Variants in AGBL4 observed in about 807,000 individuals in gnomAD.
The protein encoded by AGBL4 is cytosolic carboxypeptidase 6.
A neutral mutation model predicts 66.4 loss-of-function variants in AGBL4; 58 were observed. That is an observed-to-expected ratio of 0.87 (90% CI 0.71 to 1.09). AGBL4 has a LOEUF of 1.09. Ranked by LOEUF, AGBL4 falls within the 50% of genes least tolerant of loss-of-function variation. AGBL4 has a pLI of 0.00. For missense variants in AGBL4, 579 were observed against 631.0 expected (o/e 0.92, Z 0.88); for synonymous variants, 234 against 222.9 (o/e 1.05, Z -0.44).
At chr1:48,601,478 A>C (rs981129597) in intron 9 of AGBL4, among the ~76,000 whole-genome samples, 2 of 152,214 alleles carry the variant, frequency 1.3e-5, no homozygotes, top group African/African-American at 4.8e-5. Flanking sequence ...TTTACAAGTA[A>C]CTTTCTGTGC....
At chr1:49,429,443 T>TCAA (rs375782687) in intron 3 of AGBL4, among the ~76,000 whole-genome samples, 1 of 152,330 alleles carries the variant, frequency 6.6e-6, no homozygotes, top group East Asian at 1.9e-4. Flanking sequence ...GGTCTAATAT[T>TCAA]CAATTTGAAA....
chr1:49,664,842 C>A (rs1224877603), intron 3 of AGBL4, among the ~76,000 whole-genome samples: 1 of 151,978 alleles, frequency 6.6e-6, no homozygotes, highest in African/African-American at 2.4e-5. Context: ...GTATGTTAGA[C>A]TACTTAAAGA....
intron 2 of AGBL4, among the ~76,000 whole-genome samples, chr1:49,837,990 T>G (rs568242402): frequency 6.6e-6 from 1 of 152,024 alleles, no homozygotes; most frequent in Non-Finnish European, 1.5e-5. Context: ...ATGAGAAAGG[T>G]TTCTTGCCCT....
chr1:50,001,497 ATG>A (rs538755098), intron 1 of AGBL4, among the ~76,000 whole-genome samples: 13 of 132,408 alleles, frequency 9.8e-5, no homozygotes, highest in Admixed American at 2.3e-4. Context: ...ATATATATGT[ATG>A]TGTGTGTGTA....
chr1:49,851,301 G>C, intron 2 of AGBL4, 95 bp downstream of exon 2: 1 of 1,274,792 alleles, frequency 7.8e-7, no homozygotes, highest in Non-Finnish European at 1.0e-6. Context: ...TATTAAATGA[G>C]TTGAATTGCA....
intron 3 of AGBL4, among the ~76,000 whole-genome samples, chr1:49,378,739 T>G (rs1436345280): frequency 6.6e-6 from 1 of 152,080 alleles, no homozygotes; most frequent in Non-Finnish European, 1.5e-5. Flanking sequence ...CAGACTGTGA[T>G]GTAGTTCAGA....
intron 1 of AGBL4, among the ~76,000 whole-genome samples, chr1:49,971,326 T>C (rs770090154): frequency 2.0e-5 from 3 of 152,222 alleles, no homozygotes; most frequent in Non-Finnish European, 4.4e-5. Flanking sequence ...AGTCACTTAG[T>C]AGTTATCTCA....
intron 4 of AGBL4, among the ~76,000 whole-genome samples, chr1:49,227,663 T>C (rs1650014293): frequency 6.6e-6 from 1 of 152,194 alleles, no homozygotes; most frequent in Admixed American, 6.5e-5. Context: ...ATTTCTTACA[T>C]AACAAACCCT....
At chr1:48,637,661 A>G (rs1282498681) in intron 8 of AGBL4, among the ~76,000 whole-genome samples, 1 of 152,168 alleles carries the variant, frequency 6.6e-6, no homozygotes, top group Non-Finnish European at 1.5e-5. Context: ...GAGGCAGAGT[A>G]TTCTGGCCCT....
At chr1:49,783,134 T>G (rs1476820646) in intron 2 of AGBL4, among the ~76,000 whole-genome samples, 7 of 152,250 alleles carry the variant, frequency 4.6e-5, no homozygotes, top group African/African-American at 1.7e-4. Context: ...AATAAGTATG[T>G]GATGTTTATG....
At chr1:48,961,571 G>A (rs1397349132) in intron 5 of AGBL4, among the ~76,000 whole-genome samples, 2 of 152,168 alleles carry the variant, frequency 1.3e-5, no homozygotes, top group Non-Finnish European at 2.9e-5. Flanking sequence ...TCTAGGAAGC[G>A]GGAAGGTTGA....
At chr1:49,414,492 A>G (rs927545926) in intron 3 of AGBL4, among the ~76,000 whole-genome samples, 3 of 152,198 alleles carry the variant, frequency 2.0e-5, no homozygotes, top group Non-Finnish European at 2.9e-5. Flanking sequence ...ATAATGAGGA[A>G]TGATGGACAC....
chr1:49,711,301 T>C (rs538359026), intron 2 of AGBL4, among the ~76,000 whole-genome samples: 1 of 152,244 alleles, frequency 6.6e-6, no homozygotes, highest in Admixed American at 6.5e-5. Flanking sequence ...TAAATGTTCA[T>C]AGAAACTTTA....
At chr1:49,656,086 G>T (rs1213591257) in intron 3 of AGBL4, among the ~76,000 whole-genome samples, 3 of 151,846 alleles carry the variant, frequency 2.0e-5, no homozygotes, top group African/African-American at 7.3e-5. Context: ...GGCGGAGGTT[G>T]CAGTGAGCCA....
chr1:49,776,013 T>C (rs1351861365), intron 2 of AGBL4, among the ~76,000 whole-genome samples: 7 of 152,004 alleles, frequency 4.6e-5, no homozygotes, highest in Admixed American at 4.6e-4. Flanking sequence ...AAGAACAAGA[T>C]AAGGTCCATT....
chr1:49,865,365 C>T (rs1366212439), intron 1 of AGBL4, among the ~76,000 whole-genome samples: 2 of 152,104 alleles, frequency 1.3e-5, no homozygotes, highest in African/African-American at 4.8e-5. Flanking sequence ...CAGGTCAGTG[C>T]CCCTCTGAAA....
At chr1:48,958,859 A>G (rs1657719840) in intron 5 of AGBL4, among the ~76,000 whole-genome samples, 1 of 152,216 alleles carries the variant, frequency 6.6e-6, no homozygotes, top group African/African-American at 2.4e-5. Flanking sequence ...ACAATTTTTT[A>G]ACAAGAGGAC....
At chr1:48,875,875 A>G (rs953834777) in intron 5 of AGBL4, among the ~76,000 whole-genome samples, 4 of 152,154 alleles carry the variant, frequency 2.6e-5, no homozygotes, top group Non-Finnish European at 5.9e-5. Flanking sequence ...GGAAAAACCT[A>G]CACTCAAACC....
At chr1:48,866,202 G>T (rs1449058849) in intron 6 of AGBL4, among the ~76,000 whole-genome samples, 1 of 152,208 alleles carries the variant, frequency 6.6e-6, no homozygotes, top group Non-Finnish European at 1.5e-5. Flanking sequence ...CTTTGAAAGT[G>T]AGGCACTGGC....
Sources: allele counts gnomAD v4.1 joint callset (sites outside exome capture counted in the v4.1 genomes callset), GRCh38; gene constraint gnomAD v4.1.1; transcripts MANE v1.5; gene names NCBI Gene and HGNC (gene_info 2026-07-23, HGNC 2026-07-21).